CHRM3: variants seen among roughly 807,000 people sequenced by gnomAD.
CHRM3 encodes the protein muscarinic acetylcholine receptor M3.
In CHRM3, 11 loss-of-function variants were observed where a neutral mutation model predicts 41.8. The observed-to-expected ratio is 0.26, with a 90% CI of 0.17 to 0.44. The LOEUF (loss-of-function observed/expected upper bound fraction) is 0.44, where lower values mean the gene tolerates loss of function less well. Ranked by LOEUF, CHRM3 falls within the 20% of genes least tolerant of loss-of-function variation. The pLI, the probability that CHRM3 is intolerant of heterozygous loss-of-function variation, is 1.00. For synonymous variants in CHRM3, 297 were observed against 301.4 expected, an observed-to-expected ratio of 0.99 and a Z score of 0.15; for missense variants, 571 against 745.4, an observed-to-expected ratio of 0.77 and a Z score of 2.72.
chr1:239,635,228 C>T (rs963423176), intron 4 of CHRM3, among the ~76,000 whole-genome samples: 1 of 152,216 alleles, frequency 6.6e-6, no homozygotes, highest in Non-Finnish European at 1.5e-5. Context: ...CATTCTGTCA[C>T]AGCCAGCGTC....
At chr1:239,703,564 G>C (rs1660877615) in intron 5 of CHRM3, 1 of 152,078 alleles carries the variant, frequency 6.6e-6, no homozygotes. Context: ...ACAATTGTCA[G>C]AAAACCTGTT....
At position 239,683,334 on chromosome 1, in the gene CHRM3, G is replaced by A. The variant is rs201266627; in HGVS notation, c.-147+5046G>A. On this transcript the variant is annotated intron_variant, in intron 5 of 6. Transcript: ENST00000676153. ...ATGAACTAGATACATGAAGTAATGA[G>A]CAATAAAAATGGTAATTCATCAGAT... Among the ~76,000 whole-genome samples the A allele has an allele frequency of 2.0e-5, 3 of 152,102 alleles. No individual in the cohort carries two copies. In the East Asian group the frequency reaches 5.8e-4, roughly 29 times the overall value.
intron 5 of CHRM3, among the ~76,000 whole-genome samples, chr1:239,819,758 G>A (rs1671883167): frequency 6.6e-6 from 1 of 152,168 alleles, no homozygotes. Context: ...TTGTGAATGT[G>A]TTATTTGTAG....
intron 5 of CHRM3, among the ~76,000 whole-genome samples, chr1:239,789,756 C>A (rs1241544634): frequency 6.6e-6 from 1 of 152,140 alleles, no homozygotes; most frequent in African/African-American, 2.4e-5. Context: ...CCCATTAGGC[C>A]CCACCTCCAA....
At chr1:239,640,111 A>G (rs1214075922) in intron 4 of CHRM3, among the ~76,000 whole-genome samples, 1 of 151,706 alleles carries the variant, frequency 6.6e-6, no homozygotes, top group Non-Finnish European at 1.5e-5. Context: ...CCCAGGGATG[A>G]AGCCCACTTG....
At chr1:239,399,593 G>A (rs528097037) in intron 1 of CHRM3, among the ~76,000 whole-genome samples, 2 of 152,282 alleles carry the variant, frequency 1.3e-5, no homozygotes, top group South Asian at 4.1e-4. Context: ...ATGAGAAGAT[G>A]TGGCATTGGT....
chr1:239,576,234 A>C (rs1662320579), intron 3 of CHRM3, among the ~76,000 whole-genome samples: 1 of 151,556 alleles, frequency 6.6e-6, no homozygotes, highest in Non-Finnish European at 1.5e-5. Context: ...TAGAACCAAT[A>C]AAAGCTGTAA....
At chr1:239,446,599 A>G (rs1360792572) in intron 1 of CHRM3, among the ~76,000 whole-genome samples, 1 of 152,214 alleles carries the variant, frequency 6.6e-6, no homozygotes, top group Non-Finnish European at 1.5e-5. Flanking sequence ...TTATATTTTC[A>G]GTGACTGTCG....
chr1:239,889,323 C>A (rs1398764655), intron 6 of CHRM3, among the ~76,000 whole-genome samples: 2 of 152,144 alleles, frequency 1.3e-5, no homozygotes, highest in Non-Finnish European at 1.5e-5. Flanking sequence ...GTAGCCCCCC[C>A]TCTAATCTTT....
intron 5 of CHRM3, among the ~76,000 whole-genome samples, chr1:239,680,521 G>T (rs1454045615): frequency 6.6e-6 from 1 of 152,016 alleles, no homozygotes; most frequent in Non-Finnish European, 1.5e-5. Context: ...CCCAATCAGG[G>T]TCCTGATTGC....
chr1:239,766,681 ATAGATATAGAT>A (rs1667244536), intron 5 of CHRM3, among the ~76,000 whole-genome samples: 1 of 37,818 alleles, frequency 2.6e-5, no homozygotes, highest in Non-Finnish European at 1.6e-4. Flanking sequence ...ATATATAGAT[ATAGATATAGAT>A]ATAGATATAG....
intron 5 of CHRM3, among the ~76,000 whole-genome samples, chr1:239,789,084 T>C (rs959770060): frequency 6.6e-6 from 1 of 152,188 alleles, no homozygotes; most frequent in Non-Finnish European, 1.5e-5. Flanking sequence ...GGCTTCACCA[T>C]GTTCAAATGT....
intron 3 of CHRM3, among the ~76,000 whole-genome samples, chr1:239,620,396 A>G (rs1255460708): frequency 6.6e-6 from 1 of 152,160 alleles, no homozygotes; most frequent in African/African-American, 2.4e-5. Flanking sequence ...ATCTGTGAAC[A>G]CTACTTTTCT....
At chr1:239,824,837 A>G (rs903079974) in intron 5 of CHRM3, among the ~76,000 whole-genome samples, 1 of 152,244 alleles carries the variant, frequency 6.6e-6, no homozygotes, top group Non-Finnish European at 1.5e-5. Flanking sequence ...TCTGCCTGAA[A>G]GATTCTGCCT....
chr1:239,440,827 A>C (rs1307382347), intron 1 of CHRM3, among the ~76,000 whole-genome samples: 1 of 152,240 alleles, frequency 6.6e-6, no homozygotes, highest in East Asian at 1.9e-4. Context: ...AACCTTATTA[A>C]ATACATTCTT....
chr1:239,878,702 C>T (rs899867045), intron 6 of CHRM3, among the ~76,000 whole-genome samples: 12 of 151,872 alleles, frequency 7.9e-5, no homozygotes, highest in South Asian at 2.1e-4. Flanking sequence ...GGTAGCTTGT[C>T]GGACATGAGG....
intron 3 of CHRM3, among the ~76,000 whole-genome samples, chr1:239,603,804 T>TA (rs1344970573): frequency 1.3e-5 from 2 of 152,120 alleles, no homozygotes; most frequent in Non-Finnish European, 2.9e-5. Context: ...AGTTTTACAA[T>TA]AAAAATTAGT....
intron 6 of CHRM3, among the ~76,000 whole-genome samples, chr1:239,864,156 G>A (rs1675875741): frequency 6.6e-6 from 1 of 151,920 alleles, no homozygotes; most frequent in African/African-American, 2.4e-5. Context: ...GAGGAAAGAG[G>A]CTAGTCCAGG....
chr1:239,678,339 G>A (rs1356826280), intron 5 of CHRM3, 51 bp downstream of exon 5: 1 of 152,116 alleles, frequency 6.6e-6, no homozygotes, highest in Non-Finnish European at 1.5e-5. Context: ...TCATAACTAT[G>A]GATGTATATT....
Sources: gnomAD v4.1 joint callset for allele counts (sites outside exome capture counted in the v4.1 genomes callset) on GRCh38, gnomAD v4.1.1 for gene constraint, MANE v1.5 for transcripts, NCBI Gene and HGNC (gene_info 2026-07-23, HGNC 2026-07-21) for gene names.